Variants in SEMA3A observed in about 807,000 individuals in gnomAD.
The protein encoded by SEMA3A is semaphorin-3A.
SEMA3A carries 29 observed loss-of-function variants against 97.9 expected under a neutral mutation model. That is an observed-to-expected ratio of 0.30 (90% CI 0.22 to 0.40). SEMA3A has a LOEUF of 0.40. Among genes scored for constraint, SEMA3A ranks in the 10% least tolerant of loss-of-function variants. The pLI, the probability that SEMA3A is intolerant of heterozygous loss-of-function variation, is 1.00. For synonymous variants in SEMA3A, 321 were observed against 323.7 expected (o/e 0.99, Z 0.09); for missense variants, 763 against 951.3 (o/e 0.80, Z 2.60).
intron 1 of SEMA3A, among the ~76,000 whole-genome samples, chr7:84,479,843 T>C (rs1806397003): frequency 6.6e-6 from 1 of 152,152 alleles, no homozygotes; most frequent in African/African-American, 2.4e-5. Context: ...AATATGCATA[T>C]GTTCCTCTTT....
chr7:84,323,444 G>A (rs143244535), intron 2 of SEMA3A, among the ~76,000 whole-genome samples: 56 of 152,084 alleles, frequency 3.7e-4, no homozygotes, highest in South Asian at 1.0e-3. Flanking sequence ...AAAGCAGAAC[G>A]TAAGTACAAT....
At chr7:84,117,887 T>TA (rs1190590859) in intron 3 of SEMA3A, among the ~76,000 whole-genome samples, 4 of 152,214 alleles carry the variant, frequency 2.6e-5, no homozygotes, top group Non-Finnish European at 5.9e-5. Context: ...AGATTAATGA[T>TA]ATATTCATGT....
At position 84,416,231 on chromosome 7, in the gene SEMA3A, G is replaced by A. The variant is rs545653314; in HGVS notation, c.-245-44331C>T. Among the ~76,000 whole-genome samples, 50 of 152,152 alleles carry A rather than the reference G, an allele frequency of 3.3e-4. No homozygotes were observed. In the South Asian group the frequency reaches 4.2e-3, roughly 13 times the overall value. On this transcript the variant is annotated intron_variant, in intron 1 of 3. Transcript: ENST00000424555. ...AGCCAGTCTTTCCAGTGCTATTCTCGTGATAATGAATAAGTCTCATGAGAT... is the reference window on the plus strand; with the variant it reads ...AGCCAGTCTTTCCAGTGCTATTCTCATGATAATGAATAAGTCTCATGAGAT...
intron 5 of SEMA3A, among the ~76,000 whole-genome samples, chr7:84,047,834 T>C (rs993146946): frequency 2.6e-5 from 4 of 152,048 alleles, no homozygotes; most frequent in African/African-American, 9.7e-5. Flanking sequence ...AATTCTTACT[T>C]GCAAATAAGG....
chr7:84,231,045 C>A (rs768618261), intron 3 of SEMA3A, among the ~76,000 whole-genome samples: 3 of 151,830 alleles, frequency 2.0e-5, no homozygotes, highest in Admixed American at 6.6e-5. Context: ...ATTGGAATAT[C>A]CTTGTTATAC....
At chr7:83,996,587 C>T (rs1790230173) in intron 12 of SEMA3A, among the ~76,000 whole-genome samples, 4 of 152,100 alleles carry the variant, frequency 2.6e-5, no homozygotes. Context: ...AGGTGTGAGC[C>T]ACCACGCCCA....
At chr7:84,045,786 T>C (rs971142125) in intron 6 of SEMA3A, among the ~76,000 whole-genome samples, 6 of 151,882 alleles carry the variant, frequency 4.0e-5, no homozygotes, top group Non-Finnish European at 8.8e-5. Flanking sequence ...TCCTAACCTA[T>C]AAATTGGGAG....
chr7:84,312,005 A>T (rs1306699371), intron 2 of SEMA3A, among the ~76,000 whole-genome samples: 1 of 151,884 alleles, frequency 6.6e-6, no homozygotes, highest in Non-Finnish European at 1.5e-5. Flanking sequence ...CAAAGAAATG[A>T]CACCTAGGAC....
At chr7:84,412,112 G>A (rs1222028152) in intron 1 of SEMA3A, among the ~76,000 whole-genome samples, 1 of 152,128 alleles carries the variant, frequency 6.6e-6, no homozygotes, top group African/African-American at 2.4e-5. Flanking sequence ...TGAATGCCTT[G>A]ATAAGGCTAC....
intron 12 of SEMA3A, among the ~76,000 whole-genome samples, chr7:83,985,993 T>C (rs186384568): frequency 6.5e-4 from 99 of 152,314 alleles, no homozygotes; most frequent in Non-Finnish European, 2.6e-4. Flanking sequence ...TGGGGATATA[T>C]GGTCATTTTT....
intron 2 of SEMA3A, among the ~76,000 whole-genome samples, chr7:84,365,941 T>C (rs1802837821): frequency 6.6e-6 from 1 of 151,522 alleles, no homozygotes; most frequent in African/African-American, 2.4e-5. Context: ...ATAATTTACA[T>C]TTGAGTAATT....
At chr7:84,015,292 C>G (rs1202213883) in intron 6 of SEMA3A, among the ~76,000 whole-genome samples, 1 of 151,908 alleles carries the variant, frequency 6.6e-6, no homozygotes, top group African/African-American at 2.4e-5. Context: ...GAACCTAGAG[C>G]TTAAAACGTG....
chr7:84,384,595 G>A (rs557624711), intron 1 of SEMA3A, among the ~76,000 whole-genome samples: 209 of 152,162 alleles, frequency 1.4e-3, no homozygotes, highest in Non-Finnish European at 2.4e-3. Context: ...GACATCCCCA[G>A]GCCAGTATCC....
chr7:84,372,522 TG>T (rs1295558751), intron 1 of SEMA3A, among the ~76,000 whole-genome samples: 4 of 151,998 alleles, frequency 2.6e-5, no homozygotes, highest in Admixed American at 6.6e-5. Context: ...GTTGAGTGGG[TG>T]GATACAATGG....
intron 1 of SEMA3A, among the ~76,000 whole-genome samples, chr7:84,486,651 G>C (rs1248799378): frequency 5.9e-5 from 9 of 152,066 alleles, no homozygotes; most frequent in Non-Finnish European, 1.2e-4. Context: ...TTGAAAACAA[G>C]GCAGTGATTG....
At chr7:84,444,000 C>A (rs951266604) in intron 1 of SEMA3A, among the ~76,000 whole-genome samples, 3 of 149,850 alleles carry the variant, frequency 2.0e-5, no homozygotes, top group Admixed American at 1.3e-4. Context: ...GATTCTCCTG[C>A]CTCAGACTCC....
At chr7:84,283,322 G>C (rs1800496643) in intron 3 of SEMA3A, among the ~76,000 whole-genome samples, 1 of 151,996 alleles carries the variant, frequency 6.6e-6, no homozygotes, top group African/African-American at 2.4e-5. Flanking sequence ...ACTATGGGTT[G>C]GAACTTCTAA....
chr7:84,113,727 G>C (rs754914681), intron 3 of SEMA3A, among the ~76,000 whole-genome samples: 3 of 152,100 alleles, frequency 2.0e-5, no homozygotes, highest in Non-Finnish European at 2.9e-5. Flanking sequence ...GGCTTCCCAA[G>C]AGTCAGGCAA....
intron 1 of SEMA3A, among the ~76,000 whole-genome samples, chr7:84,166,551 A>C (rs1375754227): frequency 1.4e-5 from 2 of 142,592 alleles, no homozygotes; most frequent in Non-Finnish European, 3.0e-5. Context: ...AGCCTGGGCA[A>C]CAAGAGCAAA....
Sources: allele counts gnomAD v4.1 joint callset (sites outside exome capture counted in the v4.1 genomes callset), GRCh38; gene constraint gnomAD v4.1.1; transcripts MANE v1.5; gene names NCBI Gene and HGNC (gene_info 2026-07-23, HGNC 2026-07-21).